The following ZNF184 variants were observed in gnomAD, a reference collection of about 807,000 sequenced individuals.
The protein encoded by ZNF184 is zinc finger protein 184 (Kruppel-like).
Under a neutral mutation model 54.4 loss-of-function variants are expected in ZNF184, and 16 were observed. The ratio of observed to expected loss-of-function variants is 0.29; its 90% confidence interval spans 0.20 to 0.45. The LOEUF (loss-of-function observed/expected upper bound fraction) is 0.45, where lower values mean the gene tolerates loss of function less well. ZNF184 is among the 20% of genes least tolerant of loss of function. The pLI is 1.00. For synonymous variants in ZNF184, 254 were observed against 295.3 expected, an observed-to-expected ratio of 0.86 and a Z score of 1.43; for missense variants, 681 against 888.2, an observed-to-expected ratio of 0.77 and a Z score of 2.97.
At chr6:27,458,210 G>C (rs1762908272) in intron 3 of ZNF184, among the ~76,000 whole-genome samples, 1 of 146,286 alleles carries the variant, frequency 6.8e-6, no homozygotes, top group Admixed American at 7.1e-5. Flanking sequence ...GATGGAGAGA[G>C]AGATCGATAG....
At chr6:27,423,646 A>AAACAAAACAAAAC in the ZNF184 span, among the ~76,000 whole-genome samples, 533 of 151,566 alleles carry the variant, frequency 3.5e-3, 4 homozygotes, top group African/African-American at 0.011. Context: ...CAAAAAAACA[A>AAACAAAACAAAAC]AAAACAAAAC....
the ZNF184 span, among the ~76,000 whole-genome samples, chr6:27,424,862 C>T: frequency 2.6e-5 from 4 of 152,176 alleles, no homozygotes; most frequent in African/African-American, 7.2e-5. Context: ...TGGGACTGGG[C>T]GCCGTGGAAC....
At position 27,452,006 on chromosome 6, in the gene ZNF184, T is replaced by G; in HGVS notation, c.1553A>C (p.Asn518Thr). 6.2e-7 allele frequency: 1 copy of G among 1,613,886 alleles called. No homozygotes were observed. The highest frequency in any genetic ancestry group is 8.5e-7 in the Non-Finnish European group (1 of 1,179,998). Residue 518 changes from asparagine to threonine, a missense_variant, in exon 6 of 6, where the codon AAT becomes ACT. Physicochemically the swap from Asn to Thr is moderately conservative, Grantham distance 65 (BLOSUM62 0). Transcript: ENST00000683788. The surrounding 1 kb of genome is among the most constrained non-coding windows in gnomAD (Gnocchi z 5.5). ...GKAFSYLSNL[N>T]QHQKTHTQEK... ...TTGAGTATGAGTTTTCTGATGCTGA[T>G]TAAGGTTTGAGAGATAACTGAAAGC...
downstream of ZNF184, among the ~76,000 whole-genome samples, chr6:27,446,544 A>AG (rs761866513): frequency 2.6e-5 from 4 of 152,232 alleles, no homozygotes; most frequent in Non-Finnish European, 5.9e-5. Context: ...AGAATTGTGC[A>AG]GGGACACAGC....
At chr6:27,437,965 T>C in the ZNF184 span, among the ~76,000 whole-genome samples, 84 of 152,340 alleles carry the variant, frequency 5.5e-4, no homozygotes, top group South Asian at 1.4e-3. Context: ...TCATCTTCTA[T>C]CACTCTATGC....
rs1051288660 is a variant in ZNF184, at chr6:27,450,959, T to C, written c.*344A>G. The C allele has an allele frequency of 1.1e-5, 2 of 185,134 alleles. No individual in the cohort carries two copies. Among genetic ancestry groups the C allele is most frequent in the Non-Finnish European group, 2.2e-5 (2 of 91,042 alleles). The allele number at this position is 185,134 out of a possible 1,614,324, so 11.5% of individuals were successfully genotyped here. ...CATGCATAAACATACACATTCTAGATGCAACACAGCAAAATGCTGATGTAT... is the reference window on the plus strand; with the variant it reads ...CATGCATAAACATACACATTCTAGACGCAACACAGCAAAATGCTGATGTAT... On this transcript the variant is annotated 3_prime_UTR_variant, in exon 6 of 6. Coordinates refer to ENST00000683788, the MANE Select transcript of ZNF184 (RefSeq NM_001318891.2).
chr6:27,412,137 C>T, the ZNF184 span, among the ~76,000 whole-genome samples: 3 of 152,078 alleles, frequency 2.0e-5, no homozygotes. Flanking sequence ...TTGGGTGGGG[C>T]GGTATTTAAA....
the ZNF184 span, among the ~76,000 whole-genome samples, chr6:27,428,869 A>G: frequency 6.6e-5 from 10 of 152,322 alleles, no homozygotes; most frequent in Middle Eastern, 3.4e-3. This position sits in a 1 kb window ranked among gnomAD's most constrained non-coding sequence, Gnocchi z 4.1. Flanking sequence ...GTTATGATAT[A>G]CTGATAAGGC....
At chr6:27,408,660 T>C in the ZNF184 span, among the ~76,000 whole-genome samples, 2 of 152,352 alleles carry the variant, frequency 1.3e-5, no homozygotes, top group African/African-American at 2.4e-5. Flanking sequence ...AGATTTTCAG[T>C]ATTTTATACA....
At position 27,472,350 on chromosome 6, in the gene ZNF184, G is replaced by C; in HGVS notation, c.-56C>G. 6.2e-7 allele frequency: 1 copy of C among 1,613,046 alleles called. No individual in the cohort carries two copies. On this transcript the variant is annotated 5_prime_UTR_variant, in exon 2 of 6. Transcript: ENST00000683788. This position sits in a 1 kb window ranked among gnomAD's most constrained non-coding sequence, Gnocchi z 4.8. ...TGAACACCAGGGTTCGCCAGGCAGC[G>C]TTCCTTCAGCTGGTATCTCGGTCTA...
chr6:27,441,092 C>T, the ZNF184 span, among the ~76,000 whole-genome samples: 3 of 152,138 alleles, frequency 2.0e-5, no homozygotes, highest in African/African-American at 7.2e-5. Context: ...GCTATGTGTC[C>T]TTGTTACTAA....
At chr6:27,442,643 G>A in the ZNF184 span, among the ~76,000 whole-genome samples, 16,941 of 146,992 alleles carry the variant, frequency 0.12, 1,294 homozygotes, top group African/African-American at 0.21. Flanking sequence ...ACACTAGGAA[G>A]CAAGCAAGAA....
the ZNF184 span, chr6:27,405,778 T>C: frequency 1.3e-5 from 2 of 152,246 alleles, no homozygotes; most frequent in African/African-American, 4.8e-5. Context: ...GGGCAGCATA[T>C]ATGGTTACTA....
At chr6:27,435,337 T>C in the ZNF184 span, among the ~76,000 whole-genome samples, 14 of 152,316 alleles carry the variant, frequency 9.2e-5, no homozygotes, top group Admixed American at 9.2e-4. Flanking sequence ...GTTTTGTAGT[T>C]TTTAGTGTAC....
In ZNF184 at chr6:27,452,560, T is replaced by C. The variant is rs1762757675; in HGVS notation, c.999A>G (p.Pro333=). Residue 333 remains proline (P), a synonymous_variant, in exon 6 of 6, where the codon CCA becomes CCG. Transcript: ENST00000683788. The surrounding 1 kb of genome is among the most constrained non-coding windows in gnomAD (Gnocchi z 5.5). ...QHQRIHTGEK[P]YTCNECGKAF... ...CTTTTCCACACTCATTACAAGTGTA[T>C]GGCTTCTCGCCAGTATGAATTCTCT... The C allele has an allele frequency of 3.1e-6, 5 of 1,613,972 alleles. No homozygotes were observed. The highest frequency in any genetic ancestry group is 4.2e-6 in the Non-Finnish European group (5 of 1,180,026).
the ZNF184 span, among the ~76,000 whole-genome samples, chr6:27,424,165 G>A: frequency 1.1e-4 from 16 of 152,252 alleles, no homozygotes; most frequent in East Asian, 2.7e-3. Flanking sequence ...AGACCTTTGC[G>A]GTAAGTGTTA....
chr6:27,424,290 A>AGC, the ZNF184 span, among the ~76,000 whole-genome samples: 1 of 152,360 alleles, frequency 6.6e-6, no homozygotes, highest in East Asian at 1.9e-4. Flanking sequence ...AAGTAGTGTG[A>AGC]GCACAAAGAG....
the ZNF184 span, among the ~76,000 whole-genome samples, chr6:27,432,704 G>T: frequency 6.6e-6 from 1 of 152,160 alleles, no homozygotes; most frequent in African/African-American, 2.4e-5. The surrounding 1 kb of genome is among the most constrained non-coding windows in gnomAD (Gnocchi z 4.0). Flanking sequence ...AGCAATATTT[G>T]CAGTCCCAAA....
chr6:27,456,880 G>T lies in ZNF184; in HGVS notation c.244C>A (p.Gln82Lys). The T allele has an allele frequency of 6.2e-7, 1 of 1,614,068 alleles. No individual in the cohort carries two copies. The stretch of plus-strand genomic sequence containing the variant: ...TCCATGATCCATGGCTCTGTCCCTT[G>T]CTCTAACTGGGAAATCACATCAGGT... Reference protein sequence around the residue: ...SKPDVISQLEQGTEPWIMEPS... With the variant: ...SKPDVISQLEKGTEPWIMEPS... Residue 82 changes from glutamine (Q) to lysine (K), a missense_variant, in exon 5 of 6, where the codon CAA becomes AAA. Gln to Lys is a moderately conservative substitution (Grantham distance 53). Coordinates refer to ENST00000683788, the MANE Select transcript of ZNF184 (RefSeq NM_001318891.2).
Sources: allele counts gnomAD v4.1 joint callset (sites outside exome capture counted in the v4.1 genomes callset), GRCh38; gene constraint gnomAD v4.1.1; non-coding constraint Gnocchi (gnomAD v3.1); transcripts MANE v1.5; gene names NCBI Gene and HGNC (gene_info 2026-07-23, HGNC 2026-07-21).